Variants in ZDHHC5 observed in about 807,000 individuals in gnomAD.
The protein encoded by ZDHHC5 is palmitoyltransferase ZDHHC5.
In ZDHHC5, 22 loss-of-function variants were observed where a neutral mutation model predicts 70.0. The ratio of observed to expected loss-of-function variants is 0.31; its 90% confidence interval spans 0.22 to 0.45. The LOEUF (loss-of-function observed/expected upper bound fraction) is 0.45. Ranked by LOEUF, ZDHHC5 falls within the 20% of genes least tolerant of loss-of-function variation. The probability of loss-of-function intolerance (pLI) is 1.00; values close to 1 mark genes in which losing one functional copy is unlikely to be tolerated. For synonymous variants in ZDHHC5, 313 were observed against 347.8 expected (o/e 0.90, Z 1.11); for missense variants, 746 against 926.9 (o/e 0.80, Z 2.53).
chr11:57,682,995 T>C (rs969828736), intron 3 of ZDHHC5, among the ~76,000 whole-genome samples: 5 of 152,144 alleles, frequency 3.3e-5, no homozygotes, highest in Non-Finnish European at 7.3e-5. Context: ...TGAGAACATA[T>C]TTTGCCCAAA....
Position 57,698,820 on chromosome 11 carries a change from C to T in ZDHHC5, c.1384C>T (p.Gln462Ter). ...CACCTCCTATAAGAGCCTGGCCAAC[C>T]AGACACGCAATGGAAGCCTATCTTA... ...TSTSYKSLAN[Q>*]TRNGSLSYDS... Residue 462 changes from glutamine to a stop codon, truncating the protein, a stop_gained, in exon 11 of 12, where the codon CAG becomes TAG. Transcript: ENST00000287169. LOFTEE classifies it high-confidence loss of function. The T allele has an allele frequency of 6.2e-7, 1 of 1,614,228 alleles. No individual in the cohort carries two copies. Among genetic ancestry groups the T allele is most frequent in the Non-Finnish European group, 8.5e-7 (1 of 1,180,046 alleles).
intron 10 of ZDHHC5, 58 bp from the exon 11 acceptor site, chr11:57,698,501 G>C: frequency 6.5e-7 from 1 of 1,528,160 alleles, no homozygotes; most frequent in African/African-American, 1.4e-5. Context: ...CTTGAGCTCT[G>C]GGGTCTAGCT....
intron 6 of ZDHHC5, among the ~76,000 whole-genome samples, chr11:57,691,274 G>C (rs192982496): frequency 6.6e-6 from 1 of 152,088 alleles, no homozygotes; most frequent in Non-Finnish European, 1.5e-5. Context: ...GTTTCACCAT[G>C]TTGGCCAGGC....
In ZDHHC5 at chr11:57,672,401, T is replaced by C. The variant is rs1308794097; in HGVS notation, c.-690T>C. 2.5e-6 allele frequency: 1 copy of C among 393,038 alleles called. No individual in the cohort carries two copies. Among genetic ancestry groups the C allele is most frequent in the Non-Finnish European group, 4.5e-6 (1 of 223,192 alleles). The allele number at this position is 393,038 out of a possible 1,614,324, so 24.3% of individuals were successfully genotyped here. A position where few individuals can be genotyped will look rare whatever the true frequency, so the allele number is the denominator to read the frequency against. The stretch of plus-strand genomic sequence containing the variant: ...CCAGCTTTAGCCATCAAGAGAGAAA[T>C]AAATTAAACCACCATTGCCAGACTA... On this transcript the variant is annotated 5_prime_UTR_variant, in exon 2 of 12. Transcript: ENST00000287169.
intron 10 of ZDHHC5, among the ~76,000 whole-genome samples, chr11:57,697,810 CAG>C (rs2135405354): frequency 8.5e-6 from 1 of 117,120 alleles, no homozygotes; most frequent in East Asian, 2.5e-4. Context: ...AGTCTGGTGA[CAG>C]AGTGAGACTA....
Position 57,695,984 on chromosome 11 carries a change from A to T in ZDHHC5, c.950A>T (p.Lys317Met). 6.2e-7 allele frequency: 1 copy of T among 1,614,014 alleles called. No individual in the cohort carries two copies. Among genetic ancestry groups the T allele is most frequent in the Non-Finnish European group, 8.5e-7 (1 of 1,180,006 alleles). Residue 317 changes from lysine to methionine, a missense_variant, in exon 9 of 12, where the codon AAG becomes ATG. Physicochemically the swap from Lys to Met is moderately conservative, Grantham distance 95 (BLOSUM62 -1). This residue lies in a region of ZDHHC5 where 179 missense variants were observed against 178.4 expected (regional missense o/e 1.00). Coordinates refer to ENST00000287169, the MANE Select transcript of ZDHHC5 (RefSeq NM_015457.3). ...GATGCTGAACCTCCACCTCCTCCTA[A>T]GCCAGACCTGAGCCGTTACACAGGG... ...SADAEPPPPP[K>M]PDLSRYTGLR...
intron 2 of ZDHHC5, among the ~76,000 whole-genome samples, chr11:57,677,179 C>A (rs1402894696): frequency 6.7e-6 from 1 of 148,724 alleles, no homozygotes; most frequent in African/African-American, 2.5e-5. Flanking sequence ...CCTCAGCCTC[C>A]CAAAGTGCTG....
intron 2 of ZDHHC5, among the ~76,000 whole-genome samples, chr11:57,673,571 TAA>T (rs899948771): frequency 3.9e-5 from 6 of 152,174 alleles, no homozygotes; most frequent in African/African-American, 1.4e-4. Flanking sequence ...TAGACTAGAC[TAA>T]AGGCTTTTTT....
Position 57,698,708 on chromosome 11 carries a change from C to T in ZDHHC5, c.1272C>T (p.Gly424=). 1.2e-6 allele frequency: 2 copies of T among 1,614,244 alleles called. No individual in the cohort carries two copies. Among genetic ancestry groups the T allele is most frequent in the Non-Finnish European group, 1.7e-6 (2 of 1,180,044 alleles). Residue 424 remains glycine (G), a synonymous_variant, in exon 11 of 12, where the codon GGC becomes GGT. Transcript: ENST00000287169. ...TTCACTTCGATCCACTATCCAGTGGCTCACGCTCCTCCAGCCTCAAGTCAG... is the reference window on the plus strand; with the variant it reads ...TTCACTTCGATCCACTATCCAGTGGTTCACGCTCCTCCAGCCTCAAGTCAG... ...KSFHFDPLSS[G]SRSSSLKSAQ...
chr11:57,686,011 A>G (rs1264507987), intron 3 of ZDHHC5, among the ~76,000 whole-genome samples: 1 of 152,216 alleles, frequency 6.6e-6, no homozygotes, highest in Non-Finnish European at 1.5e-5. Flanking sequence ...ACAGTGTGAG[A>G]CTACATCTCA....
At chr11:57,696,738 C>G in intron 9 of ZDHHC5, 23 bp from the exon 10 acceptor site, 1 of 1,606,322 alleles carries the variant, frequency 6.2e-7, no homozygotes, top group Non-Finnish European at 8.5e-7. Context: ...AAAATAGTGC[C>G]CCCTTGGCCT....
chr11:57,671,559 A>G (rs1946006619), intron 1 of ZDHHC5, among the ~76,000 whole-genome samples: 1 of 152,266 alleles, frequency 6.6e-6, no homozygotes, highest in Non-Finnish European at 1.5e-5. Context: ...ATAGAGGAGC[A>G]AAAGAAACAC....
intron 10 of ZDHHC5, among the ~76,000 whole-genome samples, chr11:57,697,851 A>G (rs1005646948): frequency 8.0e-5 from 12 of 149,194 alleles, no homozygotes; most frequent in Non-Finnish European, 1.5e-4. Flanking sequence ...AAAAAAAAAA[A>G]GGCCAAGCAC....
intron 3 of ZDHHC5, 147 bp downstream of exon 3, chr11:57,682,690 C>T: frequency 1.9e-6 from 2 of 1,026,906 alleles, no homozygotes; most frequent in Non-Finnish European, 2.6e-6. Context: ...TGATCTTGGG[C>T]CTTAAAGTCC....
chr11:57,688,937 T>A (rs1946246365), intron 4 of ZDHHC5, among the ~76,000 whole-genome samples: 1 of 152,222 alleles, frequency 6.6e-6, no homozygotes, highest in Admixed American at 6.5e-5. Context: ...ACTGTGTTGC[T>A]TGGACTATCT....
intron 7 of ZDHHC5, among the ~76,000 whole-genome samples, chr11:57,693,117 G>A (rs1946306593): frequency 6.6e-6 from 1 of 152,054 alleles, no homozygotes; most frequent in Non-Finnish European, 1.5e-5. Flanking sequence ...GTCCAGCCTG[G>A]CCAATATGGT....
chr11:57,695,318 G>C lies in ZDHHC5; in HGVS notation c.886-602G>C, dbSNP rs181675273. Reference sequence around the variant, plus strand: ...GCCTGTAATCCTAGCTGCTTGGGAGGCTGAGGCATGAGAATCGCTTGAACC... The same window carrying C: ...GCCTGTAATCCTAGCTGCTTGGGAGCCTGAGGCATGAGAATCGCTTGAACC... On this transcript the variant is annotated intron_variant, in intron 8 of 11. Coordinates refer to ENST00000287169, the MANE Select transcript of ZDHHC5 (RefSeq NM_015457.3). 1.5e-3 allele frequency among the ~76,000 whole-genome samples: 224 copies of C among 152,144 alleles called. No individual in the cohort carries two copies. In the Middle Eastern group the frequency reaches 0.031, roughly 21 times the overall value.
In ZDHHC5 at chr11:57,682,513, A is replaced by G; in HGVS notation, c.196A>G (p.Thr66Ala). 6.2e-7 allele frequency: 1 copy of G among 1,614,104 alleles called. No individual in the cohort carries two copies. Among genetic ancestry groups the G allele is most frequent in the East Asian group, 2.2e-5 (1 of 44,876 alleles). ...LFVLANFSMA[T>A]FMDPGIFPRA... ...TGTGTTGGCCAACTTCAGCATGGCC[A>G]CCTTCATGGACCCAGGGATTTTCCC... Residue 66 changes from threonine to alanine, a missense_variant, in exon 3 of 12, where the codon ACC (threonine) becomes GCC (alanine). Coordinates refer to ENST00000287169, the MANE Select transcript of ZDHHC5 (RefSeq NM_015457.3).
intron 3 of ZDHHC5, among the ~76,000 whole-genome samples, chr11:57,688,257 C>A (rs1289251298): frequency 1.3e-5 from 2 of 152,178 alleles, no homozygotes; most frequent in Non-Finnish European, 2.9e-5. Flanking sequence ...CAGATGCATA[C>A]AAGAGCTACC....
Sources: gnomAD v4.1 joint callset for allele counts (sites outside exome capture counted in the v4.1 genomes callset) on GRCh38, gnomAD v4.1.1 for gene constraint, gnomAD v4.1.1 regional missense constraint, MANE v1.5 for transcripts, NCBI Gene and HGNC (gene_info 2026-07-23, HGNC 2026-07-21) for gene names.